The following MTOR variants were observed in gnomAD, a reference collection of about 807,000 sequenced individuals.
MTOR encodes the protein serine/threonine-protein kinase mTOR.
A neutral mutation model predicts 319.8 loss-of-function variants in MTOR; 70 were observed. That is an observed-to-expected ratio of 0.22 (90% CI 0.18 to 0.27). The LOEUF (loss-of-function observed/expected upper bound fraction) is 0.27. Ranked by LOEUF, MTOR falls within the 10% of genes least tolerant of loss-of-function variation. MTOR has a pLI of 1.00. For missense variants in MTOR, 1,890 were observed against 3,274.4 expected, an observed-to-expected ratio of 0.58 and a Z score of 10.32; for synonymous variants, 1,183 against 1,211.4, an observed-to-expected ratio of 0.98 and a Z score of 0.49.
At chr1:11,147,583 G>C (rs1643977631) in intron 31 of MTOR, among the ~76,000 whole-genome samples, 1 of 152,162 alleles carries the variant, frequency 6.6e-6, no homozygotes, top group Non-Finnish European at 1.5e-5. Context: ...CATTCTCTAT[G>C]CCTCTGGGCA....
intron 53 of MTOR, 88 bp from the exon 54 acceptor site, chr1:11,113,005 AAT>A (rs1167114822): frequency 1.5e-6 from 2 of 1,376,244 alleles, no homozygotes; most frequent in East Asian, 4.6e-5. Context: ...ATAAAAATAT[AAT>A]TGTTCGTAAA....
chr1:11,181,820 G>C (rs1037218423), intron 28 of MTOR, among the ~76,000 whole-genome samples: 1 of 152,168 alleles, frequency 6.6e-6, no homozygotes, highest in Non-Finnish European at 1.5e-5. Flanking sequence ...TTTTGTCTTA[G>C]GCTTTATGCT....
chr1:11,204,783 T>C, intron 25 of MTOR, 80 bp from the exon 26 acceptor site: 1 of 1,435,932 alleles, frequency 7.0e-7, no homozygotes, highest in Non-Finnish European at 9.4e-7. Context: ...TTAATGATTA[T>C]TCTACTTTTA....
intron 19 of MTOR, among the ~76,000 whole-genome samples, chr1:11,224,038 CAAAATAAAATAAAATAAAATAAAAT>C (rs370686856): frequency 3.5e-5 from 5 of 143,372 alleles, no homozygotes; most frequent in South Asian, 4.4e-4. Flanking sequence ...TACTCCGTCT[CAAAATAAAATAAAATAAAATAAAAT>C]AAAATAAAAT....
intron 3 of MTOR, 86 bp from the exon 4 acceptor site, chr1:11,257,251 G>A (rs756705402): frequency 8.3e-7 from 1 of 1,210,216 alleles, no homozygotes; most frequent in Non-Finnish European, 1.2e-6. Flanking sequence ...GCTGGTGAGT[G>A]CCGGCCAGGC....
chr1:11,197,838 C>T lies in MTOR; in HGVS notation c.4253+1420G>A, dbSNP rs530887869. The stretch of plus-strand genomic sequence containing the variant: ...GATTACAGGTGTGAACTACCCCGCC[C>T]GGCCTGGAACAGCGTTTTAAACAAA... On this transcript the variant is annotated intron_variant, in intron 28 of 57. Transcript: ENST00000361445. 3.3e-5 allele frequency among the ~76,000 whole-genome samples: 5 copies of T among 152,304 alleles called. No homozygotes were observed. The South Asian group carries it at 6.2e-4, about 19-fold the overall frequency.
At chr1:11,183,163 G>A (rs1299415211) in intron 28 of MTOR, among the ~76,000 whole-genome samples, 1 of 152,090 alleles carries the variant, frequency 6.6e-6, no homozygotes, top group Non-Finnish European at 1.5e-5. Context: ...CCTTCTGGTT[G>A]GTGTGCAGTG....
intron 52 of MTOR, 143 bp downstream of exon 52, chr1:11,114,670 A>C (rs1642070552): frequency 1.9e-6 from 2 of 1,033,638 alleles, no homozygotes; most frequent in Non-Finnish European, 2.8e-6. Flanking sequence ...GGTCATTTCT[A>C]ACACAATAGG....
At chr1:11,246,664 T>C (rs1648873849) in intron 8 of MTOR, among the ~76,000 whole-genome samples, 1 of 152,182 alleles carries the variant, frequency 6.6e-6, no homozygotes, top group Non-Finnish European at 1.5e-5. Flanking sequence ...AGGGCCAGGC[T>C]GGCCTTTTGC....
At chr1:11,211,167 G>A (rs935863940) in intron 23 of MTOR, among the ~76,000 whole-genome samples, 5 of 152,168 alleles carry the variant, frequency 3.3e-5, no homozygotes, top group African/African-American at 1.2e-4. Flanking sequence ...ATGGCATTGA[G>A]TTATCATTTA....
intron 17 of MTOR, 119 bp from the exon 18 acceptor site, chr1:11,231,173 A>G (rs932383784): frequency 6.3e-7 from 1 of 1,583,832 alleles, no homozygotes; most frequent in East Asian, 2.2e-5. Flanking sequence ...GACCAGCTAC[A>G]TGAACAAAAT....
In MTOR at chr1:11,106,788, G is replaced by A; in HGVS notation, c.*697C>T. On this transcript the variant is annotated 3_prime_UTR_variant, in exon 58 of 58. Transcript: ENST00000361445. ...AACCCTGCTGCAGAAGGCCAGTGAGGGTGGTCCCACTGCACAGTGATCCCC... is the reference window on the plus strand; with the variant it reads ...AACCCTGCTGCAGAAGGCCAGTGAGAGTGGTCCCACTGCACAGTGATCCCC... 7.9e-7 allele frequency: 1 copy of A among 1,262,380 alleles called. No homozygotes were observed. Among genetic ancestry groups the A allele is most frequent in the African/African-American group, 1.5e-5 (1 of 66,448 alleles). The allele number at this position is 1,262,380 out of a possible 1,614,324, so 78.2% of individuals were successfully genotyped here.
At chr1:11,180,997 G>C (rs1645128554) in intron 28 of MTOR, among the ~76,000 whole-genome samples, 1 of 152,090 alleles carries the variant, frequency 6.6e-6, no homozygotes, top group Non-Finnish European at 1.5e-5. Flanking sequence ...GGATGGTCTT[G>C]ATATCTTGAC....
At chr1:11,260,158 A>G (rs1484400999) in intron 1 of MTOR, among the ~76,000 whole-genome samples, 2 of 152,234 alleles carry the variant, frequency 1.3e-5, no homozygotes, top group Non-Finnish European at 2.9e-5. Context: ...AAATGTCAGG[A>G]GGTAGGGAAA....
chr1:11,167,680 A>G (rs1030567512), intron 28 of MTOR, among the ~76,000 whole-genome samples, 163 bp from the exon 29 acceptor site: 2 of 152,198 alleles, frequency 1.3e-5, no homozygotes, highest in Non-Finnish European at 2.9e-5. Flanking sequence ...CTCAGTTTAA[A>G]TCGTTTCATC....
At chr1:11,195,137 A>T (rs1424207576) in intron 28 of MTOR, 3 of 1,139,008 alleles carry the variant, frequency 2.6e-6, no homozygotes, top group Non-Finnish European at 2.5e-6. Context: ...AACAGCCTAT[A>T]ATCTCCAAAG....
chr1:11,232,837 T>C (rs2100875586), intron 15 of MTOR: 2 of 514,790 alleles, frequency 3.9e-6, no homozygotes, highest in South Asian at 2.3e-5. Context: ...ATCACACCAC[T>C]GCACTCCAGC....
intron 19 of MTOR, among the ~76,000 whole-genome samples, chr1:11,227,241 T>A (rs1646870442): frequency 7.5e-6 from 1 of 132,568 alleles, no homozygotes; most frequent in African/African-American, 3.1e-5. Context: ...GAGGCTGCAA[T>A]GAACTGAGAT....
intron 46 of MTOR, among the ~76,000 whole-genome samples, chr1:11,126,160 C>T (rs569185634): frequency 5.6e-4 from 85 of 151,854 alleles, no homozygotes; most frequent in African/African-American, 1.9e-3. Flanking sequence ...CCAGAGCCCA[C>T]TTGCTTAACA....
Sources: allele counts gnomAD v4.1 joint callset (sites outside exome capture counted in the v4.1 genomes callset), GRCh38; gene constraint gnomAD v4.1.1; transcripts MANE v1.5; gene names NCBI Gene and HGNC (gene_info 2026-07-23, HGNC 2026-07-21).